Variants in CCDC178 observed in about 807,000 individuals in gnomAD.
CCDC178 encodes coiled-coil domain containing 178.
Under a neutral mutation model 117.4 loss-of-function variants are expected in CCDC178, and 126 were observed. The observed-to-expected ratio is 1.07, with a 90% CI of 0.93 to 1.24. CCDC178 has a LOEUF of 1.24. Among genes scored for constraint, CCDC178 ranks in the 50% most tolerant of loss-of-function variants. The pLI is 0.00. For missense variants in CCDC178, 1,030 were observed against 986.9 expected (o/e 1.04, Z -0.59); for synonymous variants, 283 against 313.4 (o/e 0.90, Z 1.02).
chr18:33,132,476 C>T (rs901356909), intron 20 of CCDC178, among the ~76,000 whole-genome samples: 6 of 151,526 alleles, frequency 4.0e-5, no homozygotes, highest in Non-Finnish European at 7.4e-5. Context: ...TCTTTAAAGA[C>T]TGGGTTTCAA....
At chr18:33,327,200 C>T (rs6507013) in intron 10 of CCDC178, among the ~76,000 whole-genome samples, 65,133 of 151,996 alleles carry the variant, frequency 0.43, 15,439 homozygotes, top group African/African-American at 0.64. Context: ...AAATGAATTA[C>T]GCAATATGTG....
At chr18:33,154,405 T>C (rs777293848) in intron 20 of CCDC178, among the ~76,000 whole-genome samples, 8 of 152,098 alleles carry the variant, frequency 5.3e-5, no homozygotes, top group Non-Finnish European at 1.2e-4. Context: ...TCCAAGGTGA[T>C]CTGGGGTAAT....
At chr18:32,976,229 G>C (rs1449560494) in intron 21 of CCDC178, among the ~76,000 whole-genome samples, 1 of 152,088 alleles carries the variant, frequency 6.6e-6, no homozygotes, top group Non-Finnish European at 1.5e-5. Flanking sequence ...AAAAAAAATT[G>C]TGTTTTCTTT....
At chr18:33,141,959 A>G (rs2058210819) in intron 20 of CCDC178, among the ~76,000 whole-genome samples, 1 of 152,208 alleles carries the variant, frequency 6.6e-6, no homozygotes, top group Admixed American at 6.5e-5. Context: ...CAGAGATGTT[A>G]GTCCTAACAT....
At chr18:33,268,867 A>G (rs1599079569) in intron 12 of CCDC178, among the ~76,000 whole-genome samples, 1 of 151,912 alleles carries the variant, frequency 6.6e-6, no homozygotes, top group African/African-American at 2.4e-5. Flanking sequence ...GCTTGCAACA[A>G]TCTAGGGAGC....
At chr18:33,263,095 C>T (rs1243647521) in intron 14 of CCDC178, among the ~76,000 whole-genome samples, 1 of 152,030 alleles carries the variant, frequency 6.6e-6, no homozygotes, top group Non-Finnish European at 1.5e-5. Context: ...GAGTTCAAAA[C>T]AATATTAGGA....
At chr18:33,402,521 C>T (rs2063722676) in intron 3 of CCDC178, among the ~76,000 whole-genome samples, 1 of 152,092 alleles carries the variant, frequency 6.6e-6, no homozygotes, top group Non-Finnish European at 1.5e-5. Flanking sequence ...CTGGTTATTC[C>T]CTGCAAGACT....
Position 33,333,293 on chromosome 18 carries a change from C to T in CCDC178, c.760G>A (p.Glu254Lys). The T allele has an allele frequency of 3.7e-6, 6 of 1,612,220 alleles. No individual in the cohort carries two copies. Among genetic ancestry groups the T allele is most frequent in the Non-Finnish European group, 5.1e-6 (6 of 1,178,778 alleles). The change falls in exon 10 of 23, where the codon GAA (glutamate) becomes AAA (lysine). Residue 254 changes from glutamate to lysine, a missense_variant. Physicochemically the swap from Glu to Lys is moderately conservative, Grantham distance 56 (BLOSUM62 1). Coordinates refer to ENST00000383096, the MANE Select transcript of CCDC178 (RefSeq NM_001105528.4). ...HFEKQKTELEEANAKIQADID... is the reference protein window; with the variant it reads ...HFEKQKTELEKANAKIQADID... Reference sequence around the variant, plus strand: ...TCTGCTTGAATCTTTGCATTTGCTTCTTCTAACTCTGTCTTTTGTTTTTCA... The same window carrying T: ...TCTGCTTGAATCTTTGCATTTGCTTTTTCTAACTCTGTCTTTTGTTTTTCA...
intron 11 of CCDC178, among the ~76,000 whole-genome samples, chr18:33,309,610 C>T (rs559058412): frequency 6.6e-5 from 10 of 152,022 alleles, no homozygotes; most frequent in South Asian, 2.1e-4. Flanking sequence ...TATAAAATGC[C>T]GACATCTGAA....
At chr18:33,090,091 A>C (rs2057439687) in intron 21 of CCDC178, among the ~76,000 whole-genome samples, 1 of 152,200 alleles carries the variant, frequency 6.6e-6, no homozygotes, top group East Asian at 1.9e-4. Flanking sequence ...CAAATAAAGC[A>C]GACAAAATAT....
chr18:32,990,763 C>T (rs1043146604), intron 21 of CCDC178, among the ~76,000 whole-genome samples: 26 of 151,832 alleles, frequency 1.7e-4, no homozygotes, highest in Non-Finnish European at 1.3e-4. Context: ...GAGATATTTG[C>T]TACATATATA....
intron 21 of CCDC178, among the ~76,000 whole-genome samples, chr18:33,030,108 C>T (rs1262710799): frequency 2.0e-5 from 3 of 152,002 alleles, no homozygotes; most frequent in African/African-American, 7.2e-5. Flanking sequence ...ATCTATTTCT[C>T]TCTTCAAGTC....
intron 2 of CCDC178, among the ~76,000 whole-genome samples, chr18:33,432,478 TACACAC>T (rs56111462): frequency 0.057 from 8,170 of 143,266 alleles, 279 homozygotes; most frequent in South Asian, 0.11. Context: ...GCCTTCTCCA[TACACAC>T]ACACACACAC....
At chr18:33,440,378 G>A (rs1221333646) in intron 1 of CCDC178, 1 of 139,900 alleles carries the variant, frequency 7.1e-6, no homozygotes, top group Non-Finnish European at 1.6e-5. Context: ...CTGGAGGACG[G>A]AGAACAGGGG....
chr18:33,175,209 T>C (rs57884351), intron 20 of CCDC178, among the ~76,000 whole-genome samples: 2 of 152,054 alleles, frequency 1.3e-5, no homozygotes. Flanking sequence ...TCTTTGCTTA[T>C]GTATTGATGA....
chr18:33,227,354 GCTA>G (rs1243262306), intron 15 of CCDC178, among the ~76,000 whole-genome samples: 2 of 146,724 alleles, frequency 1.4e-5, no homozygotes, highest in Non-Finnish European at 3.0e-5. Flanking sequence ...TCTTTTCTTT[GCTA>G]CCTGGAAAAA....
intron 22 of CCDC178, among the ~76,000 whole-genome samples, chr18:32,939,475 A>G (rs2054191860): frequency 6.6e-6 from 1 of 152,184 alleles, no homozygotes; most frequent in African/African-American, 2.4e-5. Flanking sequence ...CAAACGTGGT[A>G]TAAATCTTTA....
At chr18:33,087,705 A>G (rs539353881) in intron 21 of CCDC178, among the ~76,000 whole-genome samples, 74 of 152,254 alleles carry the variant, frequency 4.9e-4, no homozygotes, top group Non-Finnish European at 6.3e-4. Flanking sequence ...TGGTTTTGCT[A>G]TGAAAGAAGT....
At chr18:32,942,888 A>G (rs2054271090) in intron 22 of CCDC178, among the ~76,000 whole-genome samples, 1 of 152,210 alleles carries the variant, frequency 6.6e-6, no homozygotes, top group Admixed American at 6.5e-5. Flanking sequence ...TTGAAGAAAG[A>G]AAATTGTTAC....
Sources: gnomAD v4.1 joint callset for allele counts (sites outside exome capture counted in the v4.1 genomes callset) on GRCh38, gnomAD v4.1.1 for gene constraint, MANE v1.5 for transcripts, NCBI Gene and HGNC (gene_info 2026-07-23, HGNC 2026-07-21) for gene names.